The following CFAP99 variants were observed in gnomAD, a reference collection of about 807,000 sequenced individuals.
CFAP99 encodes the protein cilia- and flagella-associated protein 99.
A neutral mutation model predicts 82.7 loss-of-function variants in CFAP99; 84 were observed. The ratio of observed to expected loss-of-function variants is 1.02; its 90% confidence interval spans 0.85 to 1.22. CFAP99 has a LOEUF of 1.22. Ranked by LOEUF, CFAP99 falls within the 50% of genes most tolerant of loss-of-function variation. The pLI is 0.00. For synonymous variants in CFAP99, 456 were observed against 429.5 expected (o/e 1.06, Z -0.76); for missense variants, 1,059 against 983.5 (o/e 1.08, Z -1.03).
chr4:2,462,829 A>T lies in CFAP99; in HGVS notation c.2048A>T (p.His683Leu). The stretch of plus-strand genomic sequence containing the variant: ...CTGCAGGCGCAGCTAGAGGCGCAGC[A>T]CTGGCTGGAGCTGGAGCGGAGCCGC... Residue 683 changes from histidine to leucine, a missense_variant, in exon 15 of 15, where the codon CAC becomes CTC. By Grantham distance (99) the His-to-Leu change is moderately conservative. Coordinates refer to ENST00000635017, the Ensembl canonical transcript of CFAP99. This position sits in a 1 kb window ranked among gnomAD's most constrained non-coding sequence, Gnocchi z 4.1. The T allele has an allele frequency of 1.5e-6, 2 of 1,377,336 alleles. No homozygotes were observed. The highest frequency in any genetic ancestry group is 1.9e-6 in the Non-Finnish European group (2 of 1,064,538). 85.3% of individuals were successfully genotyped at this position (1,377,336 alleles called of 1,614,324 possible).
At chr4:2,461,232 G>A (rs1275441192) in intron 14 of CFAP99, among the ~76,000 whole-genome samples, 1 of 152,172 alleles carries the variant, frequency 6.6e-6, no homozygotes, top group African/African-American at 2.4e-5. Flanking sequence ...CATGTCCCCT[G>A]GTCCTGGGGT....
intron 2 of CFAP99, among the ~76,000 whole-genome samples, chr4:2,436,097 C>A (rs1306818035): frequency 2.1e-5 from 3 of 146,326 alleles, no homozygotes; most frequent in Non-Finnish European, 4.5e-5. Context: ...AAAAAAAAAT[C>A]TATATATATG....
intron 2 of CFAP99, among the ~76,000 whole-genome samples, chr4:2,433,606 T>C (rs1733844958): frequency 6.6e-6 from 1 of 151,846 alleles, no homozygotes. Flanking sequence ...CCAGCCTCAC[T>C]CACAGGATGT....
chr4:2,451,490 CAG>C (rs1166958891), intron 10 of CFAP99, 138 bp downstream of exon 10: 8 of 722,312 alleles, frequency 1.1e-5, no homozygotes, highest in Non-Finnish European at 1.6e-5. Flanking sequence ...CCTGCAGCAA[CAG>C]GGGCGACAAG....
At chr4:2,440,115 T>C (rs1734000306) in intron 4 of CFAP99, among the ~76,000 whole-genome samples, 1 of 148,878 alleles carries the variant, frequency 6.7e-6, no homozygotes, top group African/African-American at 2.5e-5. Flanking sequence ...GTGTTGGGAT[T>C]ACAGGCGTGA....
Position 2,462,498 on chromosome 4 carries a change from C to T in CFAP99, c.1717C>T (p.Arg573Cys). ...CCCGGCGGCGCCCTCGCAGGACGAG[C>T]GCGTGCAGCAGCTGCGGCGCAGGAT... The change falls in exon 15 of 15, where the codon CGC (arginine) becomes TGC (cysteine). Residue 573 changes from arginine (R) to cysteine (C), a missense_variant. Physicochemically the swap from Arg to Cys is radical, Grantham distance 180. Coordinates refer to ENST00000635017, the Ensembl canonical transcript of CFAP99. The surrounding 1 kb of genome is among the most constrained non-coding windows in gnomAD (Gnocchi z 4.1). The T allele has an allele frequency of 6.8e-7, 1 of 1,477,278 alleles. No individual in the cohort carries two copies. The highest frequency in any genetic ancestry group is 8.9e-7 in the Non-Finnish European group (1 of 1,122,984). The allele number at this position is 1,477,278 out of a possible 1,614,324, so 91.5% of individuals were successfully genotyped here. A position where few individuals can be genotyped will look rare whatever the true frequency, so the allele number is the denominator to read the frequency against.
intron 4 of CFAP99, among the ~76,000 whole-genome samples, chr4:2,441,688 C>T (rs1248518773): frequency 6.6e-6 from 1 of 152,240 alleles, no homozygotes; most frequent in Admixed American, 6.5e-5. Flanking sequence ...CTGCCTCCCT[C>T]CATCCCACAC....
At chr4:2,427,560 C>CCTGT (rs895312884) in intron 2 of CFAP99, 21 of 152,470 alleles carry the variant, frequency 1.4e-4, no homozygotes, top group African/African-American at 4.8e-4. Context: ...AGGCTGCCTG[C>CCTGT]CTGTCCTTGC....
chr4:2,462,842 G>GGAGCGGAGCCGC lies in CFAP99; in HGVS notation c.2067_2078dup (p.Ser690_Arg693dup). ...TAGAGGCGCAGCACTGGCTGGAGCT[G>GGAGCGGAGCCGC]GAGCGGAGCCGCGAGCGCAGGCTGC... On this transcript the variant is annotated inframe_insertion, in exon 15 of 15. Transcript: ENST00000635017. This position sits in a 1 kb window ranked among gnomAD's most constrained non-coding sequence, Gnocchi z 4.1. The GGAGCGGAGCCGC allele has an allele frequency of 7.2e-7, 1 of 1,392,042 alleles. No homozygotes were observed. Among genetic ancestry groups the GGAGCGGAGCCGC allele is most frequent in the Non-Finnish European group, 9.3e-7 (1 of 1,072,634 alleles). 86.2% of individuals were successfully genotyped at this position (1,392,042 alleles called of 1,614,324 possible). A position where few individuals can be genotyped will look rare whatever the true frequency, so the allele number is the denominator to read the frequency against.
chr4:2,460,240 G>C lies in CFAP99; in HGVS notation c.1659G>C (p.Leu553Phe), dbSNP rs554631738. 9.8e-6 allele frequency: 15 copies of C among 1,536,136 alleles called. 1 individual carries two copies. The South Asian group carries it at 1.4e-4, about 15-fold the overall frequency. ...CAGCCATGGGGAGATCCGCAGCCTT[G>C]AGGTTGGTACTGGGCTCGGGGAGGG... Residue 553 changes from leucine (L) to phenylalanine (F), a missense_variant and splice_region_variant, in exon 14 of 15, where the codon TTG becomes TTC. Physicochemically the swap from Leu to Phe is conservative, Grantham distance 22. Coordinates refer to ENST00000635017, the Ensembl canonical transcript of CFAP99.
At chr4:2,431,368 C>CA (rs11375526) in intron 2 of CFAP99, among the ~76,000 whole-genome samples, 73,039 of 145,176 alleles carry the variant, frequency 0.5, 18,806 homozygotes, top group East Asian at 0.83. Context: ...GACTCTGTCT[C>CA]AAAAAAAAAA....
Position 2,462,256 on chromosome 4 carries a change from C to A in CFAP99, c.1662-187C>A, listed in dbSNP as rs556085941. The A allele has an allele frequency of 8.4e-6, 4 of 473,374 alleles. No individual in the cohort carries two copies. Among genetic ancestry groups the A allele is most frequent in the Non-Finnish European group, 1.4e-5 (4 of 277,674 alleles). 29.3% of individuals were successfully genotyped at this position (473,374 alleles called of 1,614,324 possible). Reference sequence around the variant, plus strand: ...GAGACTCCCCCAACCCCTCCAGCCCCTGAGCGGTGGTACTGTCTAGGAGCG... The same window carrying A: ...GAGACTCCCCCAACCCCTCCAGCCCATGAGCGGTGGTACTGTCTAGGAGCG... On this transcript the variant is annotated intron_variant, in intron 14 of 14. Coordinates refer to ENST00000635017, the Ensembl canonical transcript of CFAP99. The surrounding 1 kb of genome is among the most constrained non-coding windows in gnomAD (Gnocchi z 4.1).
intron 1 of CFAP99, among the ~76,000 whole-genome samples, chr4:2,426,098 G>A (rs1733677191): frequency 6.6e-6 from 1 of 152,208 alleles, no homozygotes; most frequent in African/African-American, 2.4e-5. Flanking sequence ...TGGGCCCCTT[G>A]CAGGGGTCAC....
At chr4:2,455,845 A>G (rs2108734220) in intron 11 of CFAP99, among the ~76,000 whole-genome samples, 1 of 152,328 alleles carries the variant, frequency 6.6e-6, no homozygotes. Context: ...ATTTGAAGTA[A>G]AAAGAATTTT....
intron 1 of CFAP99, among the ~76,000 whole-genome samples, chr4:2,423,438 G>A (rs1402048314): frequency 6.6e-6 from 1 of 152,148 alleles, no homozygotes; most frequent in African/African-American, 2.4e-5. Context: ...GTGCTCAGTG[G>A]GCCTCCTGGG....
intron 2 of CFAP99, among the ~76,000 whole-genome samples, chr4:2,432,625 G>C (rs2108715386): frequency 1.3e-5 from 2 of 152,256 alleles, no homozygotes; most frequent in South Asian, 4.1e-4. Context: ...AACCCTGTGA[G>C]TCCAGCAGAC....
At chr4:2,459,360 C>A in intron 13 of CFAP99, 102 bp downstream of exon 13, 1 of 1,322,920 alleles carries the variant, frequency 7.6e-7, no homozygotes, top group Non-Finnish European at 1.0e-6. Flanking sequence ...ACAGGTGGGT[C>A]TTGCACCACC....
intron 7 of CFAP99, 40 bp downstream of exon 7, chr4:2,449,790 A>G: frequency 6.6e-7 from 1 of 1,522,840 alleles, no homozygotes; most frequent in Non-Finnish European, 8.8e-7. Flanking sequence ...GAGACCCCAT[A>G]TGAGGGATGT....
intron 1 of CFAP99, among the ~76,000 whole-genome samples, chr4:2,423,132 A>C (rs1733616534): frequency 6.6e-6 from 1 of 152,180 alleles, no homozygotes; most frequent in Admixed American, 6.5e-5. Context: ...CTGGAGTGAA[A>C]GCCACAAGTC....
Sources: gnomAD v4.1 joint callset for allele counts (sites outside exome capture counted in the v4.1 genomes callset) on GRCh38, gnomAD v4.1.1 for gene constraint, Gnocchi (gnomAD v3.1) non-coding constraint, MANE v1.5 for transcripts, NCBI Gene and HGNC (gene_info 2026-07-23, HGNC 2026-07-21) for gene names.